Variants in GDA observed in about 807,000 individuals in gnomAD.
The protein encoded by GDA is cytoplasmic PSD-95 interactor.
GDA carries 18 observed loss-of-function variants against 59.6 expected under a neutral mutation model. The observed-to-expected ratio is 0.30, with a 90% CI of 0.21 to 0.45. The LOEUF (loss-of-function observed/expected upper bound fraction) is 0.45. Among genes scored for constraint, GDA ranks in the 20% least tolerant of loss-of-function variants. The probability of loss-of-function intolerance (pLI) is 1.00; values close to 1 mark genes in which losing one functional copy is unlikely to be tolerated. For missense variants in GDA, 427 were observed against 552.3 expected, an observed-to-expected ratio of 0.77 and a Z score of 2.27; for synonymous variants, 201 against 201.1, an observed-to-expected ratio of 1.00 and a Z score of 0.00.
intron 1 of GDA, among the ~76,000 whole-genome samples, chr9:72,140,971 G>T (rs961324315): frequency 6.6e-6 from 1 of 152,162 alleles, no homozygotes; most frequent in Non-Finnish European, 1.5e-5. Context: ...AGCCTTGTCT[G>T]AACTTACACA....
At chr9:72,166,926 C>A (rs921125378) in intron 1 of GDA, among the ~76,000 whole-genome samples, 2 of 152,072 alleles carry the variant, frequency 1.3e-5, no homozygotes, top group African/African-American at 4.8e-5. Flanking sequence ...GCATTGTTCT[C>A]GATTTTTCAT....
At chr9:72,222,848 A>G (rs1837068435) in intron 6 of GDA, among the ~76,000 whole-genome samples, 1 of 151,966 alleles carries the variant, frequency 6.6e-6, no homozygotes, top group South Asian at 2.1e-4. Context: ...CTGGGATTAC[A>G]GGCATGCGCC....
chr9:72,129,680 T>A (rs1329073120), intron 1 of GDA, among the ~76,000 whole-genome samples: 1 of 152,192 alleles, frequency 6.6e-6, no homozygotes, highest in Non-Finnish European at 1.5e-5. Context: ...AGACCGATGA[T>A]GTTCACTTTG....
chr9:72,191,980 G>T (rs565177480), intron 1 of GDA, among the ~76,000 whole-genome samples: 1 of 151,918 alleles, frequency 6.6e-6, no homozygotes, highest in Non-Finnish European at 1.5e-5. Flanking sequence ...CTCTTCTTTC[G>T]ATTAAGTGTG....
chr9:72,247,368 A>G (rs753159098), intron 12 of GDA, 38 bp from the exon 13 acceptor site: 1 of 1,309,384 alleles, frequency 7.6e-7, no homozygotes, highest in Non-Finnish European at 1.1e-6. Flanking sequence ...CTAAATGCAC[A>G]AATGAGTCTT....
intron 3 of GDA, among the ~76,000 whole-genome samples, chr9:72,210,058 G>T (rs1835174073): frequency 6.6e-6 from 1 of 152,106 alleles, no homozygotes; most frequent in African/African-American, 2.4e-5. Flanking sequence ...TCCTGCCAGG[G>T]TTTAATCATA....
chr9:72,180,996 T>A (rs1336518720), intron 1 of GDA, among the ~76,000 whole-genome samples: 3 of 152,226 alleles, frequency 2.0e-5, no homozygotes, highest in Admixed American at 6.5e-5. Flanking sequence ...TTTGGTCACT[T>A]TGGGTGTTCC....
intron 1 of GDA, among the ~76,000 whole-genome samples, chr9:72,120,081 C>A (rs1378426959): frequency 2.0e-5 from 3 of 152,122 alleles, no homozygotes; most frequent in Admixed American, 1.3e-4. Context: ...CTTCTCTCTC[C>A]TTGCCAGTGC....
At chr9:72,219,192 C>A (rs1336642062) in intron 5 of GDA, among the ~76,000 whole-genome samples, 1 of 152,056 alleles carries the variant, frequency 6.6e-6, no homozygotes, top group African/African-American at 2.4e-5. Flanking sequence ...ATCACCAGGT[C>A]AGGAGATCAA....
At chr9:72,131,328 G>T (rs920648861) in intron 1 of GDA, among the ~76,000 whole-genome samples, 1 of 152,112 alleles carries the variant, frequency 6.6e-6, no homozygotes, top group African/African-American at 2.4e-5. Flanking sequence ...CTGTGTTGAC[G>T]CCCCTCCCTG....
chr9:72,124,672 G>A (rs1243579943), intron 1 of GDA, among the ~76,000 whole-genome samples: 6 of 152,140 alleles, frequency 3.9e-5, no homozygotes, highest in Admixed American at 2.6e-4. Flanking sequence ...GCTCCTTGAA[G>A]GAGTTTTCTT....
chr9:72,250,831 C>T lies in GDA; in HGVS notation c.*2489C>T. 3 of 1,609,010 alleles carry T rather than the reference C, an allele frequency of 1.9e-6. No individual in the cohort carries two copies. Among genetic ancestry groups the T allele is most frequent in the South Asian group, 1.1e-5 (1 of 90,918 alleles). The stretch of plus-strand genomic sequence containing the variant: ...GTTCCATGGTATTTTCAACGGAATA[C>T]ACTTTGAAAGGTAAAAACAATTCAA... On this transcript the variant is annotated 3_prime_UTR_variant, in exon 14 of 14. Coordinates refer to ENST00000358399, the MANE Select transcript of GDA (RefSeq NM_004293.5).
At chr9:72,216,833 G>A (rs926743140) in intron 5 of GDA, among the ~76,000 whole-genome samples, 17 of 151,932 alleles carry the variant, frequency 1.1e-4, no homozygotes, top group African/African-American at 2.7e-4. Context: ...CCGCCACCAC[G>A]CCCAGCTAAT....
intron 1 of GDA, among the ~76,000 whole-genome samples, chr9:72,192,567 C>T (rs1160050699): frequency 6.7e-6 from 1 of 150,064 alleles, no homozygotes; most frequent in East Asian, 2.0e-4. Flanking sequence ...ATTTTTTCTT[C>T]TGCTTGATCA....
At chr9:72,146,941 G>A (rs564030112), upstream of GDA, among the ~76,000 whole-genome samples, 2 of 152,258 alleles carry the variant, frequency 1.3e-5, no homozygotes, top group African/African-American at 4.8e-5. Context: ...ATTTACCTGA[G>A]GAGCACTAAT....
chr9:72,175,850 C>T (rs533789480), intron 1 of GDA, among the ~76,000 whole-genome samples: 9 of 152,160 alleles, frequency 5.9e-5, no homozygotes, highest in East Asian at 1.9e-4. Flanking sequence ...ATAAGGAAAC[C>T]GGCAAGACAA....
At chr9:72,200,613 G>A (rs1252908791) in intron 2 of GDA, among the ~76,000 whole-genome samples, 1 of 151,506 alleles carries the variant, frequency 6.6e-6, no homozygotes, top group East Asian at 1.9e-4. Flanking sequence ...ATATTATTTG[G>A]TTAAACAATT....
upstream of GDA, among the ~76,000 whole-genome samples, chr9:72,145,600 G>A (rs1826598225): frequency 6.6e-6 from 1 of 152,166 alleles, no homozygotes; most frequent in Admixed American, 6.5e-5. Context: ...AAATGTCAAA[G>A]CTAATCATGC....
At chr9:72,163,551 G>A (rs1436863393) in intron 1 of GDA, among the ~76,000 whole-genome samples, 1 of 151,152 alleles carries the variant, frequency 6.6e-6, no homozygotes, top group African/African-American at 2.4e-5. Flanking sequence ...GGAGTGCAGT[G>A]GCACGATCTC....
Sources: gnomAD v4.1 joint callset for allele counts (sites outside exome capture counted in the v4.1 genomes callset) on GRCh38, gnomAD v4.1.1 for gene constraint, MANE v1.5 for transcripts, NCBI Gene and HGNC (gene_info 2026-07-23, HGNC 2026-07-21) for gene names.